The following HS6ST3 variants were observed in gnomAD, a reference collection of about 807,000 sequenced individuals.
HS6ST3 encodes the protein heparan sulfate 6-O-sulfotransferase 3.
A neutral mutation model predicts 36.7 loss-of-function variants in HS6ST3; 12 were observed. The ratio of observed to expected loss-of-function variants is 0.33; its 90% CI spans 0.21 to 0.53. The LOEUF (loss-of-function observed/expected upper bound fraction) is 0.53, where lower values mean the gene tolerates loss of function less well. Ranked by LOEUF, HS6ST3 falls within the 20% of genes least tolerant of loss-of-function variation. HS6ST3 has a pLI of 0.95. For synonymous variants in HS6ST3, 240 were observed against 257.5 expected (o/e 0.93, Z 0.65); for missense variants, 584 against 640.9 (o/e 0.91, Z 0.96).
chr13:96,698,049 A>C (rs1178375145), intron 1 of HS6ST3, among the ~76,000 whole-genome samples: 1 of 151,978 alleles, frequency 6.6e-6, no homozygotes, highest in African/African-American at 2.4e-5. Flanking sequence ...TTATTTATTT[A>C]TTTTTAATTA....
At chr13:96,435,497 C>A (rs1163824827) in intron 1 of HS6ST3, among the ~76,000 whole-genome samples, 1 of 152,174 alleles carries the variant, frequency 6.6e-6, no homozygotes, top group East Asian at 1.9e-4. Flanking sequence ...TTAGGTGCTC[C>A]TTTCCCCATT....
At chr13:96,186,450 A>G (rs2054265440) in intron 1 of HS6ST3, among the ~76,000 whole-genome samples, 1 of 152,182 alleles carries the variant, frequency 6.6e-6, no homozygotes, top group Non-Finnish European at 1.5e-5. Context: ...ACACAAGTTT[A>G]AACTCTGACT....
chr13:96,458,784 A>G (rs2055767093), intron 1 of HS6ST3, among the ~76,000 whole-genome samples: 1 of 152,120 alleles, frequency 6.6e-6, no homozygotes, highest in Non-Finnish European at 1.5e-5. Context: ...TGAGACACTG[A>G]TAAAAATGAA....
At position 96,221,131 on chromosome 13, in the gene HS6ST3, C is replaced by A. The variant is rs189973147; in HGVS notation, c.707+129562C>A. Among the ~76,000 whole-genome samples, 90 of 152,180 alleles carry A rather than the reference C, an allele frequency of 5.9e-4. 1 individual carries two copies. In the East Asian group the frequency reaches 0.016, roughly 28 times the overall value. On this transcript the variant is annotated intron_variant, in intron 1 of 1. Coordinates refer to ENST00000376705, the MANE Select transcript of HS6ST3 (RefSeq NM_153456.4). ...AAAAACGAAAACAAAAGAAAACCTT[C>A]TTTTTTTAACAGGAAAAATAGGTGC...
chr13:96,645,024 A>C (rs2056583950), intron 1 of HS6ST3, among the ~76,000 whole-genome samples: 1 of 152,004 alleles, frequency 6.6e-6, no homozygotes, highest in Non-Finnish European at 1.5e-5. Context: ...TGCTCAGGTC[A>C]CTAGATATGC....
At chr13:96,359,947 T>G (rs899275147) in intron 1 of HS6ST3, among the ~76,000 whole-genome samples, 1 of 152,042 alleles carries the variant, frequency 6.6e-6, no homozygotes, top group African/African-American at 2.4e-5. Flanking sequence ...AAGGATACAC[T>G]CCAGCCACCC....
chr13:96,679,630 G>C (rs529512663), intron 1 of HS6ST3, among the ~76,000 whole-genome samples: 3 of 152,094 alleles, frequency 2.0e-5, no homozygotes, highest in Admixed American at 1.3e-4. Context: ...GCTGCTTTCT[G>C]GTCTTTTTGA....
At chr13:96,407,138 T>G (rs1176096738) in intron 1 of HS6ST3, among the ~76,000 whole-genome samples, 2 of 152,234 alleles carry the variant, frequency 1.3e-5, no homozygotes, top group African/African-American at 4.8e-5. Flanking sequence ...TAAAACTTAA[T>G]GCAATGATCT....
chr13:96,183,978 G>A (rs375776407), intron 1 of HS6ST3, among the ~76,000 whole-genome samples: 2 of 151,976 alleles, frequency 1.3e-5, no homozygotes, highest in Admixed American at 6.6e-5. Flanking sequence ...TGAGGTGGGC[G>A]GATCATGAGG....
intron 1 of HS6ST3, among the ~76,000 whole-genome samples, chr13:96,146,944 G>A (rs1211853783): frequency 6.6e-6 from 1 of 152,156 alleles, no homozygotes; most frequent in Non-Finnish European, 1.5e-5. Context: ...GCAAAAGAAG[G>A]TTGTTATACC....
At chr13:96,487,082 A>G (rs965609156) in intron 1 of HS6ST3, among the ~76,000 whole-genome samples, 1 of 152,134 alleles carries the variant, frequency 6.6e-6, no homozygotes, top group Non-Finnish European at 1.5e-5. Flanking sequence ...AAGACCATTT[A>G]TATTTGGCTG....
intron 1 of HS6ST3, among the ~76,000 whole-genome samples, chr13:96,427,898 A>G (rs748994302): frequency 6.6e-6 from 1 of 152,140 alleles, no homozygotes; most frequent in Admixed American, 6.5e-5. Context: ...AGAATACCTC[A>G]CAATTTGGGA....
intron 1 of HS6ST3, among the ~76,000 whole-genome samples, chr13:96,696,376 C>T (rs1169084848): frequency 6.6e-6 from 1 of 152,208 alleles, no homozygotes; most frequent in African/African-American, 2.4e-5. Flanking sequence ...ACCTTCACAG[C>T]AACTGCTAAA....
At chr13:96,477,780 G>T (rs1299145380) in intron 1 of HS6ST3, among the ~76,000 whole-genome samples, 1 of 152,098 alleles carries the variant, frequency 6.6e-6, no homozygotes, top group Non-Finnish European at 1.5e-5. Flanking sequence ...TAAGGCAGGA[G>T]AATCTCTTAA....
intron 1 of HS6ST3, among the ~76,000 whole-genome samples, chr13:96,820,561 C>T (rs1470206129): frequency 6.6e-6 from 1 of 152,204 alleles, no homozygotes; most frequent in Non-Finnish European, 1.5e-5. Flanking sequence ...CAATAATTCC[C>T]ACAACCCTAT....
At chr13:96,139,541 G>GCAAA (rs371698480) in intron 1 of HS6ST3, among the ~76,000 whole-genome samples, 6 of 66,264 alleles carry the variant, frequency 9.1e-5, no homozygotes, top group African/African-American at 3.1e-4. Flanking sequence ...GTAAGATTCA[G>GCAAA]AAAAAAAAAA....
chr13:96,517,110 G>A (rs1386510264), intron 1 of HS6ST3, among the ~76,000 whole-genome samples: 1 of 152,100 alleles, frequency 6.6e-6, no homozygotes, highest in Non-Finnish European at 1.5e-5. Flanking sequence ...CAGGCGCAGT[G>A]GCTCATGCCT....
chr13:96,604,539 T>C (rs2056431952), intron 1 of HS6ST3, among the ~76,000 whole-genome samples: 2 of 152,294 alleles, frequency 1.3e-5, no homozygotes, highest in East Asian at 1.9e-4. Context: ...CTCTGTATGA[T>C]CAAAGGTTGC....
rs574673217 is a variant in HS6ST3, at chr13:96,226,115, C to T, written c.707+134546C>T. Reference sequence around the variant, plus strand: ...TGGTTTTGGAGAGGGTCTGCCCTCTCAAAAACATATTTGATATACTAATTT... The same window carrying T: ...TGGTTTTGGAGAGGGTCTGCCCTCTTAAAAACATATTTGATATACTAATTT... On this transcript the variant is annotated intron_variant, in intron 1 of 1. Transcript: ENST00000376705. 6.2e-4 allele frequency among the ~76,000 whole-genome samples: 94 copies of T among 152,120 alleles called. No homozygotes were observed. The Middle Eastern group carries it at 0.014, about 22-fold the overall frequency.
Sources: allele counts gnomAD v4.1 joint callset (sites outside exome capture counted in the v4.1 genomes callset), GRCh38; gene constraint gnomAD v4.1.1; transcripts MANE v1.5; gene names NCBI Gene and HGNC (gene_info 2026-07-23, HGNC 2026-07-21).